The following MARCHF8 variants were observed in gnomAD, a reference collection of about 807,000 sequenced individuals.
The protein encoded by MARCHF8 is E3 ubiquitin-protein ligase MARCHF8.
Under a neutral mutation model 51.6 loss-of-function variants are expected in MARCHF8, and 40 were observed. The ratio of observed to expected loss-of-function variants is 0.77; its 90% CI spans 0.60 to 1.01. MARCHF8 has a LOEUF of 1.01. MARCHF8 is among the 50% of genes least tolerant of loss of function. The probability of loss-of-function intolerance (pLI) is 0.00; values close to 1 mark genes in which losing one functional copy is unlikely to be tolerated. For missense variants in MARCHF8, 685 were observed against 708.6 expected, an observed-to-expected ratio of 0.97 and a Z score of 0.38; for synonymous variants, 263 against 280.3, an observed-to-expected ratio of 0.94 and a Z score of 0.62.
rs1021976815 is a variant in MARCHF8, at chr10:45,463,549, C to T, written c.690G>A (p.Glu230=). 2 of 1,550,548 alleles carry T rather than the reference C, an allele frequency of 1.3e-6. No individual in the cohort carries two copies. The highest frequency in any genetic ancestry group is 2.7e-5 in the African/African-American group (2 of 73,062). Residue 230 remains glutamate, a synonymous_variant, in exon 5 of 8, where the codon GAG becomes GAA. Coordinates refer to ENST00000453424, the MANE Select transcript of MARCHF8 (RefSeq NM_001282866.2). ...GCCTGCCCCCCTTGCCAGCTTCCAC[C>T]TCTGAGGCAGTTGAGCGACCGGCAG... ...CLSAGRSTAS[E]VEAGKGGRPG... is the part of the protein sequence containing the mutation.
chr10:45,484,307 G>T (rs1208573983), intron 3 of MARCHF8, among the ~76,000 whole-genome samples: 1 of 152,230 alleles, frequency 6.6e-6, no homozygotes, highest in East Asian at 1.9e-4. Flanking sequence ...ATAGGGTGAG[G>T]ACTGAGTGTG....
intron 3 of MARCHF8, among the ~76,000 whole-genome samples, chr10:45,474,846 T>A (rs2042757555): frequency 6.6e-6 from 1 of 152,020 alleles, no homozygotes. Flanking sequence ...CGGTCCACAT[T>A]CCTACCATGC....
chr10:45,458,395 G>A lies in MARCHF8; in HGVS notation c.1566C>T (p.Asn522=). The change falls in exon 8 of 8, where the codon AAC becomes AAT. Residue 522 remains asparagine (N), a synonymous_variant. Transcript: ENST00000453424. ...KAYNRVIYVQ[N]CPETSKKNIF... ...TATTCTTTTTGCTTGTTTCTGGACA[G>A]TTTTGAACATAGATCACTCTATTAT... 1.9e-6 allele frequency: 3 copies of A among 1,614,170 alleles called. No individual in the cohort carries two copies. Among genetic ancestry groups the A allele is most frequent in the Non-Finnish European group, 2.5e-6 (3 of 1,180,028 alleles).
At chr10:45,489,871 C>G (rs1427942510) in intron 2 of MARCHF8, among the ~76,000 whole-genome samples, 2 of 152,096 alleles carry the variant, frequency 1.3e-5, no homozygotes, top group African/African-American at 4.8e-5. Context: ...CTGACCAGTC[C>G]TGGGGTGTCT....
intron 1 of MARCHF8, among the ~76,000 whole-genome samples, chr10:45,569,433 C>T (rs1056271918): frequency 6.6e-6 from 1 of 152,212 alleles, no homozygotes; most frequent in Non-Finnish European, 1.5e-5. Flanking sequence ...AGCATCCTTG[C>T]ATCCCAGGGA....
chr10:45,463,270 A>T lies in MARCHF8; in HGVS notation c.969T>A (p.Ser323Arg), dbSNP rs1160333709. Residue 323 changes from serine (S) to arginine (R), a missense_variant, in exon 5 of 8, where the codon AGT becomes AGA. Transcript: ENST00000453424. ...AGCAGAGGGGCGCCCGCAGAACCCT[A>T]CTCTTCAGTTTTGCAGATGTGCTGT... ...FEDSTSAKLK[S>R]RVLRAPLCST... 6.4e-7 allele frequency: 1 copy of T among 1,550,726 alleles called. No homozygotes were observed. The highest frequency in any genetic ancestry group is 8.7e-7 in the Non-Finnish European group (1 of 1,147,036).
At chr10:45,498,962 T>C (rs1000599229) in intron 2 of MARCHF8, among the ~76,000 whole-genome samples, 2 of 152,270 alleles carry the variant, frequency 1.3e-5, no homozygotes, top group Non-Finnish European at 2.9e-5. Context: ...TTGGGGTATA[T>C]ACCCAGAAGT....
chr10:45,582,315 A>G (rs1400275840), intron 1 of MARCHF8, among the ~76,000 whole-genome samples: 1 of 152,240 alleles, frequency 6.6e-6, no homozygotes, highest in Admixed American at 6.5e-5. Flanking sequence ...GTTCAACTAC[A>G]GCTATTAGTT....
rs1255503778 is a variant in MARCHF8 at position 45,592,857 on chromosome 10, C to G, written c.-79+1378G>C. 2.6e-5 allele frequency among the ~76,000 whole-genome samples: 4 copies of G among 151,884 alleles called. No homozygotes were observed. The East Asian group carries it at 7.7e-4, about 29-fold the overall frequency. On this transcript the variant is annotated intron_variant, in intron 1 of 6. Coordinates refer to the MARCHF8 transcript ENST00000319836. ...CTTTAATTTCAGACAAACAACGAAT[C>G]TTTTTTTTAGTACAAGTATGCTCCC...
intron 2 of MARCHF8, among the ~76,000 whole-genome samples, chr10:45,501,787 T>C (rs2043284751): frequency 6.6e-6 from 1 of 152,160 alleles, no homozygotes; most frequent in Admixed American, 6.5e-5. Flanking sequence ...TTCTTAGACC[T>C]GAACATTTTT....
chr10:45,463,904 T>C lies in MARCHF8; in HGVS notation c.335A>G (p.Gln112Arg), dbSNP rs1312542058. The C allele has an allele frequency of 1.3e-6, 2 of 1,536,588 alleles. No individual in the cohort carries two copies. The highest frequency in any genetic ancestry group is 2.0e-5 in the Admixed American group (1 of 51,010). The change falls in exon 5 of 8, where the codon CAA (glutamine) becomes CGA (arginine). Residue 112 changes from glutamine (Q) to arginine (R), a missense_variant. Coordinates refer to ENST00000453424, the MANE Select transcript of MARCHF8 (RefSeq NM_001282866.2). ...ACAGATAACTGTCACAGTGAGCCCT[T>C]GTGTCAGAGAACTCTGGCAGTGAGG... ...KAPHCQSSLT[Q>R]GLTVTVICKD...
upstream of MARCHF8, among the ~76,000 whole-genome samples, chr10:45,537,814 C>T (rs1027135922): frequency 2.6e-5 from 4 of 151,818 alleles, no homozygotes; most frequent in African/African-American, 4.8e-5. Context: ...AATGGGTAAA[C>T]GGGAGGAAGC....
chr10:45,458,294 T>C lies in MARCHF8; in HGVS notation c.1667A>G (p.Asn556Ser), dbSNP rs367641198. 36 of 1,614,008 alleles carry C rather than the reference T, an allele frequency of 2.2e-5. No individual in the cohort carries two copies. In the African/African-American group the frequency reaches 3.7e-4, roughly 17 times the overall value. The change falls in exon 8 of 8, where the codon AAC becomes AGC. Residue 556 changes from asparagine (N) to serine (S), a missense_variant. Physicochemically the swap from Asn to Ser is conservative, Grantham distance 46. Coordinates refer to ENST00000453424, the MANE Select transcript of MARCHF8 (RefSeq NM_001282866.2). ...TTCAGGCTCTGTGCAACAAGAAGAG[T>C]TTGTGTCGGAATGACAGATTCCATA... ...HGYGICHSDT[N>S]SSCCTEPEDT...
At chr10:45,510,540 A>G (rs1191817265) in intron 2 of MARCHF8, among the ~76,000 whole-genome samples, 1 of 152,194 alleles carries the variant, frequency 6.6e-6, no homozygotes, top group Non-Finnish European at 1.5e-5. Context: ...AGAAGTCAAG[A>G]CAGGAAAATT....
intron 2 of MARCHF8, among the ~76,000 whole-genome samples, chr10:45,504,505 GT>G (rs144733664): frequency 9.2e-5 from 14 of 152,262 alleles, no homozygotes; most frequent in African/African-American, 3.1e-4. Flanking sequence ...TATACACCTT[GT>G]TTTTTCTCCA....
intron 2 of MARCHF8, among the ~76,000 whole-genome samples, chr10:45,512,825 C>T (rs1181542803): frequency 1.3e-5 from 2 of 152,026 alleles, no homozygotes; most frequent in Non-Finnish European, 2.9e-5. Flanking sequence ...GGATGGTTGC[C>T]GTGTCTGTGT....
chr10:45,578,862 G>T (rs1480594781), intron 1 of MARCHF8, among the ~76,000 whole-genome samples: 1 of 152,144 alleles, frequency 6.6e-6, no homozygotes, highest in Non-Finnish European at 1.5e-5. Context: ...AAAAATAACT[G>T]ATCTGTACTC....
At chr10:45,461,634 A>T (rs944703779) in intron 5 of MARCHF8, 3 of 374,306 alleles carry the variant, frequency 8.0e-6, no homozygotes, top group African/African-American at 6.2e-5. Flanking sequence ...TTGGCAACAG[A>T]AAGGAAAAAA....
rs1054484255 is a variant in MARCHF8 at position 45,455,094 on chromosome 10, G to T, written c.*3145C>A. Reference sequence around the variant, plus strand: ...CTCCAACCCTGAAGCCCACAGCAGGGGTGCAGAGGCAGCCCCAGATCGTGC... The same window carrying T: ...CTCCAACCCTGAAGCCCACAGCAGGTGTGCAGAGGCAGCCCCAGATCGTGC... On this transcript the variant is annotated 3_prime_UTR_variant, in exon 8 of 8. Transcript: ENST00000453424. 6.6e-6 allele frequency: 1 copy of T among 152,208 alleles called. No homozygotes were observed. Among genetic ancestry groups the T allele is most frequent in the Non-Finnish European group, 1.5e-5 (1 of 68,064 alleles). The allele number at this position is 152,208 out of a possible 1,614,324, so 9.4% of individuals were successfully genotyped here.
Sources: allele counts gnomAD v4.1 joint callset (sites outside exome capture counted in the v4.1 genomes callset), GRCh38; gene constraint gnomAD v4.1.1; transcripts MANE v1.5; gene names NCBI Gene and HGNC (gene_info 2026-07-23, HGNC 2026-07-21).